Variants in ASB7 observed in about 807,000 individuals in gnomAD.
ASB7 encodes the protein ankyrin repeat and SOCS box protein 7.
In ASB7, 4 loss-of-function variants were observed where a neutral mutation model predicts 32.5. That is an observed-to-expected ratio of 0.12 (90% CI 0.06 to 0.28). The LOEUF (loss-of-function observed/expected upper bound fraction) is 0.28. Among genes scored for constraint, ASB7 ranks in the 10% least tolerant of loss-of-function variants. ASB7 has a pLI of 1.00. For missense variants in ASB7, 181 were observed against 407.1 expected (o/e 0.44, Z 4.78); for synonymous variants, 172 against 155.6 (o/e 1.11, Z -0.78).
chr15:100,613,154 CTG>C (rs2039711035), intron 4 of ASB7, among the ~76,000 whole-genome samples: 1 of 152,172 alleles, frequency 6.6e-6, no homozygotes, highest in Admixed American at 6.5e-5. Context: ...CACATTATCT[CTG>C]TAAATTATGG....
chr15:100,608,877 C>A (rs959530733), intron 2 of ASB7, among the ~76,000 whole-genome samples: 12 of 152,168 alleles, frequency 7.9e-5, no homozygotes, highest in African/African-American at 2.9e-4. Context: ...GCAGGACATA[C>A]AACTGCTGCG....
chr15:100,633,448 A>T (rs1011217568), intron 5 of ASB7, among the ~76,000 whole-genome samples: 1 of 152,124 alleles, frequency 6.6e-6, no homozygotes, highest in Non-Finnish European at 1.5e-5. Flanking sequence ...ATGGTGGCAC[A>T]TGCCTGTAAT....
intron 4 of ASB7, among the ~76,000 whole-genome samples, chr15:100,618,312 A>G (rs2039761413): frequency 1.3e-5 from 2 of 151,588 alleles, no homozygotes; most frequent in Non-Finnish European, 1.5e-5. Flanking sequence ...ACGGGGTTTC[A>G]CCATGTTGGC....
At chr15:100,643,808 T>A (rs1159583704) in intron 5 of ASB7, among the ~76,000 whole-genome samples, 2 of 152,020 alleles carry the variant, frequency 1.3e-5, no homozygotes, top group African/African-American at 4.8e-5. Context: ...CTTCTTTTTT[T>A]TACCTTAGCT....
chr15:100,622,490 A>C (rs1464685779), intron 4 of ASB7, among the ~76,000 whole-genome samples: 1 of 152,190 alleles, frequency 6.6e-6, no homozygotes, highest in Non-Finnish European at 1.5e-5. Flanking sequence ...AAAGAGCCCA[A>C]ATAGCTGAAG....
chr15:100,636,479 C>G (rs951858226), intron 5 of ASB7, among the ~76,000 whole-genome samples: 5 of 152,152 alleles, frequency 3.3e-5, no homozygotes, highest in African/African-American at 1.2e-4. Flanking sequence ...CCAAAGATCC[C>G]CCAACTGTGC....
At chr15:100,617,611 G>T (rs555326029) in intron 4 of ASB7, among the ~76,000 whole-genome samples, 4 of 152,348 alleles carry the variant, frequency 2.6e-5, no homozygotes, top group Non-Finnish European at 5.9e-5. Flanking sequence ...TAGGATCCTT[G>T]TATATATCCC....
chr15:100,606,339 T>C (rs1249829377), intron 2 of ASB7, among the ~76,000 whole-genome samples: 1 of 152,208 alleles, frequency 6.6e-6, no homozygotes, highest in Non-Finnish European at 1.5e-5. Flanking sequence ...TTATGTGACA[T>C]CAGAAAGCAC....
intron 2 of ASB7, among the ~76,000 whole-genome samples, chr15:100,608,731 T>C (rs1196425794): frequency 6.6e-6 from 1 of 152,214 alleles, no homozygotes; most frequent in African/African-American, 2.4e-5. Context: ...AAAACAAATT[T>C]TATTTCCAAG....
intron 5 of ASB7, among the ~76,000 whole-genome samples, chr15:100,636,399 T>C (rs1346371876): frequency 6.6e-6 from 1 of 152,226 alleles, no homozygotes; most frequent in African/African-American, 2.4e-5. Context: ...AGGAAAAACA[T>C]ATCTGTCCGT....
At chr15:100,619,429 C>T (rs1371829664) in intron 4 of ASB7, among the ~76,000 whole-genome samples, 3 of 152,208 alleles carry the variant, frequency 2.0e-5, no homozygotes, top group South Asian at 2.1e-4. Flanking sequence ...ATCAGAAGGG[C>T]GTAAGCCCTA....
At chr15:100,618,032 A>G (rs191679147) in intron 4 of ASB7, among the ~76,000 whole-genome samples, 304 of 152,238 alleles carry the variant, frequency 2.0e-3, no homozygotes, top group African/African-American at 7.2e-3. Flanking sequence ...ATAGCTCATC[A>G]CAGCCTCTAC....
At position 100,606,218 on chromosome 15, in the gene ASB7, G is replaced by A. The variant is rs141145661; in HGVS notation, c.-174+2905G>A. Among the ~76,000 whole-genome samples the A allele has an allele frequency of 5.9e-3, 899 of 151,854 alleles. 2 individuals carry two copies. The highest frequency in any genetic ancestry group is 9.2e-3 in the Non-Finnish European group (628 of 67,972). ...TTTTTTTTTTCTCAGACCCAATGTC[G>A]TCGGAGTTGCTGATTGCATTTATTT... On this transcript the variant is annotated intron_variant, in intron 2 of 5. Coordinates refer to ENST00000332783, the MANE Select transcript of ASB7 (RefSeq NM_198243.3).
In ASB7 at chr15:100,617,240, C is replaced by T. The variant is rs144687393; in HGVS notation, c.211+4813C>T. Among the ~76,000 whole-genome samples, 903 of 152,262 alleles carry T rather than the reference C, an allele frequency of 5.9e-3. 2 individuals carry two copies. The highest frequency in any genetic ancestry group is 0.014 in the Admixed American group (211 of 15,300). On this transcript the variant is annotated intron_variant, in intron 4 of 5. Coordinates refer to ENST00000332783, the MANE Select transcript of ASB7 (RefSeq NM_198243.3). ...CCCAACCAGTCTCCAAATAATGTGA[C>T]CTGTTAAAATGGAAATAAAAATATT...
At chr15:100,627,066 A>G (rs2039845694) in intron 4 of ASB7, among the ~76,000 whole-genome samples, 1 of 152,030 alleles carries the variant, frequency 6.6e-6, no homozygotes, top group Non-Finnish European at 1.5e-5. Flanking sequence ...AAGTGAATGC[A>G]TTTTACCTCA....
In ASB7 at chr15:100,645,415, T is replaced by C. The variant is rs184777143; in HGVS notation, c.818-2908T>C. On this transcript the variant is annotated intron_variant, in intron 5 of 5. Transcript: ENST00000332783. ...AAGAATCTCTATAATCAAATTATCA[T>C]TCGAGTTCATGCCCCCCGGAATATC... The C allele has an allele frequency of 5.5e-4, 174 of 319,014 alleles. 2 individuals carry two copies. The East Asian group carries it at 6.8e-3, about 12-fold the overall frequency. The allele number at this position is 319,014 out of a possible 1,614,324, so 19.8% of individuals were successfully genotyped here.
chr15:100,619,910 A>G (rs559085425), intron 4 of ASB7, among the ~76,000 whole-genome samples: 1 of 152,364 alleles, frequency 6.6e-6, no homozygotes, highest in South Asian at 2.1e-4. Context: ...CAAAAGGGTA[A>G]CAGTGTGGCT....
At chr15:100,646,951 A>C (rs1245124499) in intron 5 of ASB7, among the ~76,000 whole-genome samples, 1 of 152,208 alleles carries the variant, frequency 6.6e-6, no homozygotes, top group East Asian at 1.9e-4. Flanking sequence ...TCAGAAGCAT[A>C]TATGAAAATT....
rs562736451 is a variant in ASB7, at chr15:100,622,118, C to A, written c.212-7319C>A. 2.0e-5 allele frequency among the ~76,000 whole-genome samples: 3 copies of A among 150,908 alleles called. No individual in the cohort carries two copies. The South Asian group carries it at 6.3e-4, about 32-fold the overall frequency. On this transcript the variant is annotated intron_variant, in intron 4 of 5. Coordinates refer to ENST00000332783, the MANE Select transcript of ASB7 (RefSeq NM_198243.3). Reference sequence around the variant, plus strand: ...AGTTGTAGGATACAAAATCAACATACAAAAATCAGTAGCATTTCTATATAC... The same window carrying A: ...AGTTGTAGGATACAAAATCAACATAAAAAAATCAGTAGCATTTCTATATAC...
Sources: allele counts gnomAD v4.1 joint callset (sites outside exome capture counted in the v4.1 genomes callset), GRCh38; gene constraint gnomAD v4.1.1; transcripts MANE v1.5; gene names NCBI Gene and HGNC (gene_info 2026-07-23, HGNC 2026-07-21).